Variants in CACNA1H observed in about 807,000 individuals in gnomAD.
CACNA1H encodes the protein voltage-dependent T-type calcium channel subunit alpha-1H.
Under a neutral mutation model 192.5 loss-of-function variants are expected in CACNA1H, and 149 were observed. The ratio of observed to expected loss-of-function variants is 0.77; its 90% CI spans 0.68 to 0.89. The LOEUF is 0.89. Among genes scored for constraint, CACNA1H ranks in the 40% least tolerant of loss-of-function variants. The pLI is 0.00. For missense variants in CACNA1H, 4,257 were observed against 3,423.5 expected, an observed-to-expected ratio of 1.24 and a Z score of -6.08; for synonymous variants, 2,202 against 1,475.2, an observed-to-expected ratio of 1.49 and a Z score of -11.29.
At chr16:1,216,009 G>GCCCCTGC (rs147510635) in intron 30 of CACNA1H, among the ~76,000 whole-genome samples, 3,687 of 152,174 alleles carry the variant, frequency 0.024, 77 homozygotes, top group East Asian at 0.11. Context: ...TGTGCCCCTG[G>GCCCCTGC]CCCCTGCCCA....
At chr16:1,168,089 T>C (rs1029356976) in intron 2 of CACNA1H, among the ~76,000 whole-genome samples, 3 of 152,108 alleles carry the variant, frequency 2.0e-5, no homozygotes, top group Non-Finnish European at 2.9e-5. Context: ...AAGGGGTGCC[T>C]GTACCCCGAG....
Position 1,218,369 on chromosome 16 carries a change from G to A in CACNA1H, c.5605G>A (p.Glu1869Lys). Residue 1869 changes from glutamate to lysine, a missense_variant, in exon 33 of 35, where the codon GAG becomes AAG. Transcript: ENST00000348261. ...GAAGCACCTGGAGGAGAGCAACAAGGAGGCACGGGAGGATGCGGAGCTGGA... is the reference window on the plus strand; with the variant it reads ...GAAGCACCTGGAGGAGAGCAACAAGAAGGCACGGGAGGATGCGGAGCTGGA... ...LMKHLEESNKEAREDAELDAE... is the reference protein window; with the variant it reads ...LMKHLEESNKKAREDAELDAE... 1.3e-6 allele frequency: 2 copies of A among 1,561,834 alleles called. No individual in the cohort carries two copies. Among genetic ancestry groups the A allele is most frequent in the Non-Finnish European group, 1.7e-6 (2 of 1,154,048 alleles).
rs374079245 is a variant in CACNA1H at position 1,218,418 on chromosome 16, C to G, written c.5654C>G (p.Ala1885Gly). Residue 1885 changes from alanine (A) to glycine (G), a missense_variant, in exon 33 of 35, where the codon GCG becomes GGG. Ala to Gly is a moderately conservative substitution (Grantham distance 60, BLOSUM62 0). Coordinates refer to ENST00000348261, the MANE Select transcript of CACNA1H (RefSeq NM_021098.3). The stretch of plus-strand genomic sequence containing the variant: ...GACGCCGAGATCGAGCTGGAGATGG[C>G]GCAGGGCCCCGGGAGTGCACGCCGG... ...ELDAEIELEM[A>G]QGPGSARRVD... is the part of the protein sequence containing the mutation. 3.2e-6 allele frequency: 5 copies of G among 1,554,078 alleles called. No homozygotes were observed. The highest frequency in any genetic ancestry group is 3.5e-6 in the Non-Finnish European group (4 of 1,149,564).
chr16:1,191,342 G>A (rs1345055388), intron 2 of CACNA1H, among the ~76,000 whole-genome samples: 2 of 120,382 alleles, frequency 1.7e-5, no homozygotes, highest in Non-Finnish European at 3.4e-5. Context: ...CGGCACACTC[G>A]GGGTCTCTGA....
rs374281041 is a variant in CACNA1H, at chr16:1,195,185, G to T, written c.411+102G>T. 284 of 944,350 alleles carry T rather than the reference G, an allele frequency of 3.0e-4. 4 individuals carry two copies. In the South Asian group the frequency reaches 4.0e-3, roughly 13 times the overall value. The allele number at this position is 944,350 out of a possible 1,614,324, so 58.5% of individuals were successfully genotyped here. On this transcript the variant is annotated intron_variant, in intron 3 of 34. Coordinates refer to ENST00000348261, the MANE Select transcript of CACNA1H (RefSeq NM_021098.3). ...GGCGGGGCAAGGTTCAAGGTGGGGCGTGGAGTGGGTCAGGGTCGGGGATCA... is the reference window on the plus strand; with the variant it reads ...GGCGGGGCAAGGTTCAAGGTGGGGCTTGGAGTGGGTCAGGGTCGGGGATCA...
chr16:1,202,598 G>GC (rs779572756), intron 9 of CACNA1H, 146 bp downstream of exon 9: 3 of 769,392 alleles, frequency 3.9e-6, no homozygotes, highest in Non-Finnish European at 5.9e-6. Flanking sequence ...TGCCTCTGGA[G>GC]CCCATAAGAA....
chr16:1,165,909 G>GGGGCC (rs1322432144), intron 2 of CACNA1H, among the ~76,000 whole-genome samples: 2 of 152,270 alleles, frequency 1.3e-5, no homozygotes, highest in East Asian at 3.9e-4. Context: ...GGTGGTGTGT[G>GGGGCC]GGGCCCGGCC....
At position 1,219,081 on chromosome 16, in the gene CACNA1H, C is replaced by T. The variant is rs1567556830; in HGVS notation, c.5999C>T (p.Pro2000Leu). The change falls in exon 34 of 35, where the codon CCT becomes CTT. Residue 2000 changes from proline (P) to leucine (L), a missense_variant. By Grantham distance (98) the Pro-to-Leu change is moderately conservative. Coordinates refer to ENST00000348261, the MANE Select transcript of CACNA1H (RefSeq NM_021098.3). Reference protein sequence around the residue: ...RSGEPLHALSPRGTARSPSLS... With the variant: ...RSGEPLHALSLRGTARSPSLS... ...GGCGAGCCCCTCCACGCCCTGTCCC[C>T]TCGGGGCACAGCCCGCTCCCCCAGT... 5.8e-6 allele frequency: 9 copies of T among 1,549,350 alleles called. No homozygotes were observed. The highest frequency in any genetic ancestry group is 6.1e-6 in the Non-Finnish European group (7 of 1,146,566).
intron 12 of CACNA1H, chr16:1,206,793 T>A: frequency 1.8e-6 from 1 of 551,106 alleles, no homozygotes; most frequent in Non-Finnish European, 3.2e-6. Flanking sequence ...CTCTCGCCTG[T>A]GGAATGGACA....
intron 2 of CACNA1H, among the ~76,000 whole-genome samples, chr16:1,156,806 G>A (rs367963228): frequency 9.2e-5 from 14 of 152,228 alleles, no homozygotes; most frequent in East Asian, 3.9e-4. Context: ...GGGAGGGCCC[G>A]CGTTTATCCC....
chr16:1,165,177 G>A (rs557333811), intron 2 of CACNA1H, among the ~76,000 whole-genome samples: 14 of 152,252 alleles, frequency 9.2e-5, no homozygotes, highest in South Asian at 2.1e-4. Context: ...CCACCGTGGC[G>A]CGATTGCTGG....
intron 4 of CACNA1H, 55 bp from the exon 5 acceptor site, chr16:1,195,871 A>T: frequency 2.9e-6 from 4 of 1,371,442 alleles, no homozygotes; most frequent in Non-Finnish European, 4.2e-6. Context: ...CCCCAGCCCC[A>T]CCCTGGACCA....
At chr16:1,166,016 T>C (rs1963733146) in intron 2 of CACNA1H, among the ~76,000 whole-genome samples, 1 of 152,196 alleles carries the variant, frequency 6.6e-6, no homozygotes. Context: ...GTCCTCCTCG[T>C]CCTGTTGGCA....
At chr16:1,196,083 C>A in intron 5 of CACNA1H, 60 bp downstream of exon 5, 2 of 1,360,342 alleles carry the variant, frequency 1.5e-6, no homozygotes, top group Non-Finnish European at 2.1e-6. Context: ...GCCAGCCCTG[C>A]AGAGCTCTCA....
At chr16:1,213,395 C>T (rs1302985139) in intron 26 of CACNA1H, among the ~76,000 whole-genome samples, 1 of 152,062 alleles carries the variant, frequency 6.6e-6, no homozygotes, top group African/African-American at 2.4e-5. Context: ...GGGGGGCGGG[C>T]CCTGCCAGGC....
At chr16:1,212,592 G>C (rs1018719524) in intron 26 of CACNA1H, 64 bp downstream of exon 26, 7 of 1,566,746 alleles carry the variant, frequency 4.5e-6, no homozygotes, top group South Asian at 3.5e-5. Context: ...GGAAGGGCGG[G>C]CATCCCAGGC....
chr16:1,201,732 C>T lies in CACNA1H; in HGVS notation c.1282C>T (p.Arg428Trp), dbSNP rs988908130. Residue 428 changes from arginine (R) to tryptophan (W), a missense_variant, in exon 9 of 35, where the codon CGG becomes TGG. Transcript: ENST00000348261. ...CACGCAGTTCTCGGAGACGAAGCAG[C>T]GGGAGAGTCAGCTGATGCGGGAGCA... ...IATQFSETKQ[R>W]ESQLMREQRA... 10 of 1,610,664 alleles carry T rather than the reference C, an allele frequency of 6.2e-6. No homozygotes were observed. Among genetic ancestry groups the T allele is most frequent in the Middle Eastern group, 1.7e-4 (1 of 5,810 alleles).
intron 5 of CACNA1H, among the ~76,000 whole-genome samples, chr16:1,198,363 C>T (rs1452938954): frequency 6.6e-6 from 1 of 152,168 alleles, no homozygotes; most frequent in African/African-American, 2.4e-5. Context: ...GAGGTGGAGA[C>T]CTGGCGCCCC....
At chr16:1,154,150 G>A (rs1370301985) in intron 2 of CACNA1H, 114 bp downstream of exon 2, 8 of 814,714 alleles carry the variant, frequency 9.8e-6, no homozygotes, top group Non-Finnish European at 1.3e-5. Context: ...GTGGGACCTG[G>A]CGTGGGCCGG....
Sources: gnomAD v4.1 joint callset for allele counts (sites outside exome capture counted in the v4.1 genomes callset) on GRCh38, gnomAD v4.1.1 for gene constraint, MANE v1.5 for transcripts, NCBI Gene and HGNC (gene_info 2026-07-23, HGNC 2026-07-21) for gene names.